FER: variants seen among roughly 807,000 people sequenced by gnomAD.
The protein encoded by FER is tyrosine-protein kinase Fer.
Under a neutral mutation model 111.0 loss-of-function variants are expected in FER, and 63 were observed. The observed-to-expected ratio is 0.57, with a 90% CI of 0.46 to 0.70. The LOEUF is 0.70. Among genes scored for constraint, FER ranks in the 30% least tolerant of loss-of-function variants. The pLI is 0.00. For synonymous variants in FER, 327 were observed against 313.9 expected (o/e 1.04, Z -0.44); for missense variants, 914 against 954.0 (o/e 0.96, Z 0.55).
At chr5:108,826,514 A>G (rs1311837414) in intron 3 of FER, among the ~76,000 whole-genome samples, 5 of 152,070 alleles carry the variant, frequency 3.3e-5, no homozygotes, top group Non-Finnish European at 5.9e-5. Flanking sequence ...CAACCTCCCA[A>G]AGTGCTGGGA....
intron 2 of FER, among the ~76,000 whole-genome samples, chr5:108,797,026 C>A (rs1236154068): frequency 6.6e-6 from 1 of 152,132 alleles, no homozygotes; most frequent in African/African-American, 2.4e-5. Flanking sequence ...GAGCCCACAG[C>A]GTACTACCCG....
chr5:108,923,359 A>G (rs1753287769), intron 10 of FER, among the ~76,000 whole-genome samples: 1 of 151,974 alleles, frequency 6.6e-6, no homozygotes, highest in African/African-American at 2.4e-5. Context: ...TTTTTTTTTG[A>G]TTGCATCTAA....
intron 13 of FER, among the ~76,000 whole-genome samples, chr5:108,971,272 CAAAA>C (rs201694196): frequency 1.0e-4 from 8 of 76,332 alleles, no homozygotes; most frequent in South Asian, 5.2e-4. Flanking sequence ...GAACCTGTCT[CAAAA>C]AAAAAAAAAA....
chr5:108,905,682 A>C (rs1750658028), intron 10 of FER, among the ~76,000 whole-genome samples: 1 of 152,136 alleles, frequency 6.6e-6, no homozygotes, highest in Admixed American at 6.6e-5. Flanking sequence ...GTTAATTGAA[A>C]GTTGGCTGAA....
At chr5:108,907,932 A>G (rs1751022916) in intron 10 of FER, among the ~76,000 whole-genome samples, 1 of 152,164 alleles carries the variant, frequency 6.6e-6, no homozygotes, top group Admixed American at 6.5e-5. Context: ...ATACCACTCC[A>G]GATAAAGACA....
rs1160514771 is a variant in FER, at chr5:109,193,256, G to A, written c.*5681G>A. ...AGGCCTCAGACACAACGGTGGTTCA[G>A]CCCTCTCCCTAAGCAGTAGCAAGCT... On this transcript the variant is annotated 3_prime_UTR_variant, in exon 20 of 20. Transcript: ENST00000281092. 1 of 152,106 alleles carries A rather than the reference G, an allele frequency of 6.6e-6. No individual in the cohort carries two copies. Among genetic ancestry groups the A allele is most frequent in the East Asian group, 1.9e-4 (1 of 5,188 alleles). The allele number at this position is 152,106 out of a possible 1,614,324, so 9.4% of individuals were successfully genotyped here. A position where few individuals can be genotyped will look rare whatever the true frequency, so the allele number is the denominator to read the frequency against.
At chr5:108,865,646 G>T (rs1195271111) in intron 5 of FER, among the ~76,000 whole-genome samples, 1 of 152,066 alleles carries the variant, frequency 6.6e-6, no homozygotes, top group Non-Finnish European at 1.5e-5. Flanking sequence ...GATTGAACAG[G>T]CAGCCTACAG....
rs114585557 is a variant in FER at position 108,836,284 on chromosome 5, A to T, written c.481+477A>T. ...AATTTTCATAAGAAGTCTTAAAAATAAATGGAAAGAGAAGCATATTATTTA... is the reference window on the plus strand; with the variant it reads ...AATTTTCATAAGAAGTCTTAAAAATTAATGGAAAGAGAAGCATATTATTTA... On this transcript the variant is annotated intron_variant, in intron 5 of 19. Transcript: ENST00000281092. Among the ~76,000 whole-genome samples, 404 of 152,238 alleles carry T rather than the reference A, an allele frequency of 2.7e-3. 1 individual carries two copies. Among genetic ancestry groups the T allele is most frequent in the African/African-American group, 9.3e-3 (387 of 41,578 alleles).
intron 2 of FER, 67 bp from the exon 3 acceptor site, chr5:108,798,057 C>CT (rs11406674): frequency 0.32 from 149,243 of 469,760 alleles, 13,873 homozygotes; most frequent in African/African-American, 0.57. Context: ...TCTATCATAA[C>CT]TTTTTTTTTT....
At chr5:108,964,627 T>C (rs557841483) in intron 13 of FER, among the ~76,000 whole-genome samples, 2 of 152,294 alleles carry the variant, frequency 1.3e-5, no homozygotes, top group East Asian at 3.9e-4. Flanking sequence ...TAATAATTAA[T>C]ACATATCATC....
chr5:108,777,596 C>T (rs1385882997), intron 2 of FER, among the ~76,000 whole-genome samples: 1 of 152,206 alleles, frequency 6.6e-6, no homozygotes, highest in African/African-American at 2.4e-5. Context: ...TTCCTCTCTT[C>T]CCTCTAAACC....
chr5:109,184,161 A>G (rs1562004261), intron 18 of FER, among the ~76,000 whole-genome samples: 1 of 152,192 alleles, frequency 6.6e-6, no homozygotes, highest in Non-Finnish European at 1.5e-5. Context: ...TCAATTATTG[A>G]ACAGAAATTT....
intron 13 of FER, among the ~76,000 whole-genome samples, chr5:108,976,458 TC>T (rs955590217): frequency 6.6e-6 from 1 of 152,092 alleles, no homozygotes; most frequent in Non-Finnish European, 1.5e-5. Flanking sequence ...AGCCCCTTCT[TC>T]CTTTGTTCCC....
At chr5:108,786,059 AG>A (rs1391662413) in intron 2 of FER, among the ~76,000 whole-genome samples, 3 of 152,242 alleles carry the variant, frequency 2.0e-5, no homozygotes, top group Non-Finnish European at 4.4e-5. Flanking sequence ...GTGAGTGTGC[AG>A]GTAAACAAGT....
At chr5:109,088,909 G>A (rs1164626342) in intron 16 of FER, among the ~76,000 whole-genome samples, 1 of 152,084 alleles carries the variant, frequency 6.6e-6, no homozygotes, top group Non-Finnish European at 1.5e-5. Flanking sequence ...GAAGATACCT[G>A]CACTGAGACA....
intron 6 of FER, among the ~76,000 whole-genome samples, chr5:108,870,911 A>T (rs553522458): frequency 3.3e-5 from 5 of 152,252 alleles, no homozygotes; most frequent in African/African-American, 1.2e-4. Flanking sequence ...TCAACTAAGT[A>T]TACAAAAAAG....
chr5:108,794,526 A>ACCCCCCCCCCCCCCCCCCCCCCC (rs138716410), intron 2 of FER, among the ~76,000 whole-genome samples: 2 of 106,352 alleles, frequency 1.9e-5, no homozygotes, highest in African/African-American at 3.8e-5. Context: ...CCCCCTCCGC[A>ACCCCCCCCCCCCCCCCCCCCCCC]CCCCCCCCCC....
intron 13 of FER, among the ~76,000 whole-genome samples, chr5:108,992,371 G>A (rs1246851999): frequency 3.9e-5 from 6 of 152,134 alleles, no homozygotes; most frequent in South Asian, 2.1e-4. Context: ...ATCATGGCCC[G>A]TTCTCAATGA....
Position 108,832,939 on chromosome 5 carries a change from T to A in FER, c.377T>A (p.Ile126Asn). Residue 126 changes from isoleucine to asparagine, a missense_variant, in exon 4 of 20, where the codon ATC (isoleucine) becomes AAC (asparagine). Physicochemically the swap from Ile to Asn is moderately radical, Grantham distance 149. Around this residue, in one of 3 missense-constraint regions of FER, gnomAD observed 774 missense variants for 782.6 expected, o/e 0.99. Transcript: ENST00000281092. ...GVHQQIEAEM[I>N]KVTKTELEKL... The stretch of plus-strand genomic sequence containing the variant: ...CATCAGCAGATAGAGGCAGAGATGA[T>A]CAAGGTTCGTTTTTCCATATTGAAG... 3 of 1,561,190 alleles carry A rather than the reference T, an allele frequency of 1.9e-6. No individual in the cohort carries two copies. The highest frequency in any genetic ancestry group is 2.6e-6 in the Non-Finnish European group (3 of 1,156,308).
Sources: allele counts gnomAD v4.1 joint callset (sites outside exome capture counted in the v4.1 genomes callset), GRCh38; gene constraint gnomAD v4.1.1; regional missense constraint gnomAD v4.1.1; transcripts MANE v1.5; gene names NCBI Gene and HGNC (gene_info 2026-07-23, HGNC 2026-07-21).